The following KLF12 variants were observed in gnomAD, a reference collection of about 807,000 sequenced individuals.
KLF12 encodes KLF transcription factor 12.
A neutral mutation model predicts 37.8 loss-of-function variants in KLF12; 9 were observed. That is an observed-to-expected ratio of 0.24 (90% confidence interval 0.14 to 0.42). The LOEUF (loss-of-function observed/expected upper bound fraction) is 0.42, where lower values mean the gene tolerates loss of function less well. Among genes scored for constraint, KLF12 ranks in the 10% least tolerant of loss-of-function variants. The pLI is 1.00. For missense variants in KLF12, 411 were observed against 516.0 expected, an observed-to-expected ratio of 0.80 and a Z score of 1.97; for synonymous variants, 208 against 202.1, an observed-to-expected ratio of 1.03 and a Z score of -0.25.
chr13:74,167,552 C>A, the KLF12 span, among the ~76,000 whole-genome samples: 1 of 152,186 alleles, frequency 6.6e-6, no homozygotes, highest in Admixed American at 6.5e-5. Context: ...GAAACGTTAG[C>A]AAAGATCTGG....
chr13:73,905,762 A>T (rs1454168853), intron 3 of KLF12, among the ~76,000 whole-genome samples: 2 of 152,092 alleles, frequency 1.3e-5, no homozygotes, highest in African/African-American at 4.8e-5. Flanking sequence ...CACATGAAAC[A>T]TCCATCAGAA....
intron 7 of KLF12, among the ~76,000 whole-genome samples, chr13:73,710,508 T>C (rs148427174): frequency 4.8e-5 from 6 of 124,956 alleles, no homozygotes; most frequent in African/African-American, 2.1e-4. Context: ...TGCATCTTTG[T>C]GTGATACTTG....
At chr13:73,850,301 G>T (rs1346995906) in intron 3 of KLF12, among the ~76,000 whole-genome samples, 2 of 152,096 alleles carry the variant, frequency 1.3e-5, no homozygotes. Context: ...TACATTTGAG[G>T]TTTTCTAATC....
At chr13:74,238,149 AG>A in the KLF12 span, among the ~76,000 whole-genome samples, 4 of 132,644 alleles carry the variant, frequency 3.0e-5, no homozygotes, top group African/African-American at 3.8e-5. Context: ...TTTAGCATGA[AG>A]GGTTGTTGAA....
chr13:74,260,190 C>A, the KLF12 span, among the ~76,000 whole-genome samples: 10 of 152,152 alleles, frequency 6.6e-5, no homozygotes, highest in Middle Eastern at 3.4e-3. Context: ...AGAGTATGTG[C>A]TTTGGTAAGA....
intron 4 of KLF12, among the ~76,000 whole-genome samples, chr13:73,827,771 C>G (rs1465746859): frequency 6.6e-6 from 1 of 152,136 alleles, no homozygotes; most frequent in Non-Finnish European, 1.5e-5. Flanking sequence ...CCATGCTGGC[C>G]AGGCTGGTCT....
chr13:74,173,588 A>G, the KLF12 span, among the ~76,000 whole-genome samples: 2 of 152,228 alleles, frequency 1.3e-5, no homozygotes, highest in African/African-American at 4.8e-5. Flanking sequence ...TGTTGAATGT[A>G]GTACAACAAC....
intron 6 of KLF12, among the ~76,000 whole-genome samples, chr13:73,739,670 C>T (rs1026924587): frequency 6.6e-6 from 1 of 152,138 alleles, no homozygotes; most frequent in Non-Finnish European, 1.5e-5. Context: ...CTATGCAGCA[C>T]TAGAGTCTCC....
At chr13:74,220,989 T>G in the KLF12 span, among the ~76,000 whole-genome samples, 1 of 152,012 alleles carries the variant, frequency 6.6e-6, no homozygotes, top group African/African-American at 2.4e-5. Context: ...CACTTAGTCT[T>G]TTTTGTTTGC....
intron 1 of KLF12, among the ~76,000 whole-genome samples, chr13:74,092,730 T>G (rs73214829): frequency 0.19 from 29,562 of 151,950 alleles, 3,031 homozygotes; most frequent in African/African-American, 0.27. Flanking sequence ...ATTCAGAATA[T>G]GAAAAGAACT....
chr13:74,084,400 G>A (rs1875126690), intron 1 of KLF12, among the ~76,000 whole-genome samples: 1 of 152,134 alleles, frequency 6.6e-6, no homozygotes, highest in African/African-American at 2.4e-5. Flanking sequence ...TGTTCTCATG[G>A]TTGTCTCTGC....
At chr13:73,794,338 G>A (rs1259421820) in intron 5 of KLF12, among the ~76,000 whole-genome samples, 1 of 152,184 alleles carries the variant, frequency 6.6e-6, no homozygotes, top group Non-Finnish European at 1.5e-5. Flanking sequence ...GTATGCGCTT[G>A]TAGTCTTAGC....
At chr13:73,965,559 T>A (rs899709908) in intron 2 of KLF12, among the ~76,000 whole-genome samples, 1 of 152,190 alleles carries the variant, frequency 6.6e-6, no homozygotes, top group Non-Finnish European at 1.5e-5. Flanking sequence ...TGTATCTACA[T>A]GGCTGTTTAC....
At chr13:74,091,032 T>TCAATGGACCAATA (rs1227750747) in intron 1 of KLF12, among the ~76,000 whole-genome samples, 2 of 151,820 alleles carry the variant, frequency 1.3e-5, no homozygotes, top group Admixed American at 6.6e-5. Context: ...CATAAGGATG[T>TCAATGGACCAATA]AGGTCAATGG....
At chr13:73,847,837 ACAC>A (rs1000075082) in intron 3 of KLF12, among the ~76,000 whole-genome samples, 5 of 152,188 alleles carry the variant, frequency 3.3e-5, no homozygotes, top group African/African-American at 1.2e-4. Flanking sequence ...GAAAAAACAA[ACAC>A]CATAAATTGA....
At chr13:74,189,148 C>G in the KLF12 span, among the ~76,000 whole-genome samples, 1 of 152,270 alleles carries the variant, frequency 6.6e-6, no homozygotes, top group South Asian at 2.1e-4. Context: ...AATTATCTTT[C>G]CAGTGGAACT....
At chr13:73,903,196 A>G (rs1265004169) in intron 3 of KLF12, among the ~76,000 whole-genome samples, 1 of 152,204 alleles carries the variant, frequency 6.6e-6, no homozygotes, top group Non-Finnish European at 1.5e-5. Context: ...TTTTTAAGCA[A>G]TGCTGGTTTT....
At chr13:73,725,453 A>T (rs1340092662) in intron 6 of KLF12, among the ~76,000 whole-genome samples, 1 of 152,204 alleles carries the variant, frequency 6.6e-6, no homozygotes, top group Non-Finnish European at 1.5e-5. Context: ...AAGGAAACTT[A>T]TAATGATAAA....
At chr13:74,037,099 G>A (rs995824425) in intron 1 of KLF12, among the ~76,000 whole-genome samples, 1 of 151,564 alleles carries the variant, frequency 6.6e-6, no homozygotes, top group East Asian at 1.9e-4. Context: ...AGCTATTCGG[G>A]AGGCTGAGGC....
Sources: allele counts gnomAD v4.1 joint callset (sites outside exome capture counted in the v4.1 genomes callset), GRCh38; gene constraint gnomAD v4.1.1; transcripts MANE v1.5; gene names NCBI Gene and HGNC (gene_info 2026-07-23, HGNC 2026-07-21).